The following FUT9 variants were observed in gnomAD, a reference collection of about 807,000 sequenced individuals.
FUT9 encodes 4-galactosyl-N-acetylglucosaminide 3-alpha-L-fucosyltransferase 9.
In FUT9, 15 loss-of-function variants were observed where a neutral mutation model predicts 29.7. The ratio of observed to expected loss-of-function variants is 0.51; its 90% CI spans 0.34 to 0.78. The LOEUF (loss-of-function observed/expected upper bound fraction) is 0.78. FUT9 is among the 30% of genes least tolerant of loss of function. The pLI, the probability that FUT9 is intolerant of heterozygous loss-of-function variation, is 0.01. For synonymous variants in FUT9, 169 were observed against 153.7 expected (o/e 1.10, Z -0.74); for missense variants, 319 against 425.4 (o/e 0.75, Z 2.20).
intron 2 of FUT9, among the ~76,000 whole-genome samples, chr6:96,127,365 T>C (rs1454606262): frequency 6.6e-6 from 1 of 152,240 alleles, no homozygotes; most frequent in Non-Finnish European, 1.5e-5. Context: ...GCGAAGTATG[T>C]AATCTCATTC....
intron 2 of FUT9, among the ~76,000 whole-genome samples, chr6:96,138,516 G>C (rs1562139094): frequency 6.6e-6 from 1 of 150,672 alleles, no homozygotes; most frequent in Non-Finnish European, 1.5e-5. Flanking sequence ...CAATTTTGCA[G>C]GGAAAGTGAA....
chr6:96,020,190 G>A (rs186093468), intron 1 of FUT9, among the ~76,000 whole-genome samples: 2 of 152,102 alleles, frequency 1.3e-5, no homozygotes, highest in East Asian at 3.9e-4. Context: ...TAACATTTTT[G>A]CATAATTTTT....
chr6:96,145,144 A>G (rs1406105283), intron 2 of FUT9, among the ~76,000 whole-genome samples: 1 of 152,066 alleles, frequency 6.6e-6, no homozygotes, highest in South Asian at 2.1e-4. Context: ...TGCAAGCTCC[A>G]TCTCCTGGGT....
intron 2 of FUT9, among the ~76,000 whole-genome samples, chr6:96,189,642 T>A (rs1773469502): frequency 6.6e-6 from 1 of 152,126 alleles, no homozygotes; most frequent in South Asian, 2.1e-4. Flanking sequence ...GTTGAATTGA[T>A]CCCTTTACCA....
chr6:96,037,928 G>A (rs909387874), intron 1 of FUT9, among the ~76,000 whole-genome samples: 6 of 152,074 alleles, frequency 3.9e-5, no homozygotes, highest in African/African-American at 1.2e-4. Context: ...GCTGGGCTAT[G>A]ATTCTGAAGG....
chr6:96,048,388 T>A (rs1274469326), intron 1 of FUT9, among the ~76,000 whole-genome samples: 2 of 152,108 alleles, frequency 1.3e-5, no homozygotes, highest in African/African-American at 4.8e-5. Flanking sequence ...TTGATGAAAA[T>A]GAGCAGTAAC....
intron 1 of FUT9, among the ~76,000 whole-genome samples, chr6:96,029,704 G>T (rs1229502905): frequency 6.6e-6 from 1 of 151,606 alleles, no homozygotes; most frequent in African/African-American, 2.4e-5. Flanking sequence ...ATTGTCAAAA[G>T]AAGTCAAGCA....
At chr6:96,153,055 C>T (rs1349980529) in intron 2 of FUT9, among the ~76,000 whole-genome samples, 2 of 152,300 alleles carry the variant, frequency 1.3e-5, no homozygotes, top group South Asian at 4.1e-4. Flanking sequence ...AGTAATTCTT[C>T]TCATCAGTAA....
chr6:96,162,273 A>G (rs1171988276), intron 2 of FUT9, among the ~76,000 whole-genome samples: 1 of 152,084 alleles, frequency 6.6e-6, no homozygotes, highest in East Asian at 1.9e-4. Context: ...TTGAGATGTA[A>G]TCATTGTACA....
At chr6:96,026,112 A>G (rs1231869677) in intron 1 of FUT9, among the ~76,000 whole-genome samples, 2 of 144,732 alleles carry the variant, frequency 1.4e-5, no homozygotes, top group Admixed American at 1.5e-4. Context: ...ATGTTCTTAA[A>G]ACAGTTCAAA....
chr6:96,139,524 G>A (rs1244674484), intron 2 of FUT9, among the ~76,000 whole-genome samples: 1 of 152,138 alleles, frequency 6.6e-6, no homozygotes, highest in African/African-American at 2.4e-5. Context: ...ACTCTGTGTG[G>A]GGGTTCTCAC....
At chr6:96,180,504 G>T (rs1156715684) in intron 2 of FUT9, among the ~76,000 whole-genome samples, 2 of 151,694 alleles carry the variant, frequency 1.3e-5, no homozygotes, top group Non-Finnish European at 2.9e-5. Context: ...AGGGTTTTTT[G>T]GTTTTATTAT....
rs568169583 is a variant in FUT9, at chr6:96,075,619, C to T, written c.-97-38420C>T. On this transcript the variant is annotated intron_variant, in intron 1 of 2. Transcript: ENST00000302103. ...TATTTTGAAAGGAAAATTATACGGA[C>T]TTGGATCTTCTTATAATATGAATGT... Among the ~76,000 whole-genome samples the T allele has an allele frequency of 4.3e-4, 66 of 152,172 alleles. 1 individual carries two copies. The highest frequency in any genetic ancestry group is 1.5e-3 in the African/African-American group (62 of 41,522).
At chr6:96,153,754 T>C (rs1441971620) in intron 2 of FUT9, among the ~76,000 whole-genome samples, 1 of 152,222 alleles carries the variant, frequency 6.6e-6, no homozygotes, top group Non-Finnish European at 1.5e-5. Context: ...CTCTCCAGTT[T>C]CCTTACAGTT....
intron 1 of FUT9, among the ~76,000 whole-genome samples, chr6:96,047,664 C>T (rs1476367879): frequency 2.0e-5 from 3 of 152,180 alleles, no homozygotes; most frequent in Non-Finnish European, 2.9e-5. Flanking sequence ...CCTGCCTTCC[C>T]TACTCTAGCC....
intron 2 of FUT9, among the ~76,000 whole-genome samples, chr6:96,134,680 T>TGTGCAACTGAATAGTGC (rs1772314919): frequency 1.3e-5 from 2 of 151,884 alleles, no homozygotes; most frequent in Non-Finnish European, 2.9e-5. Flanking sequence ...CATCATTAAC[T>TGTGCAACTGAATAGTGC]ACATTTTACC....
intron 2 of FUT9, among the ~76,000 whole-genome samples, chr6:96,194,010 A>T (rs545902897): frequency 2.0e-5 from 3 of 152,286 alleles, no homozygotes; most frequent in African/African-American, 7.2e-5. Flanking sequence ...CAATGAGAAC[A>T]CTTGGATACA....
intron 2 of FUT9, among the ~76,000 whole-genome samples, chr6:96,201,506 C>T (rs1388726492): frequency 6.6e-6 from 1 of 151,610 alleles, no homozygotes; most frequent in Non-Finnish European, 1.5e-5. Flanking sequence ...TACCATTTTT[C>T]TTTGTATAGC....
intron 2 of FUT9, among the ~76,000 whole-genome samples, chr6:96,174,686 G>A (rs977709084): frequency 6.6e-6 from 1 of 152,092 alleles, no homozygotes; most frequent in African/African-American, 2.4e-5. Context: ...CTTTTATTTG[G>A]AACCAGGAAA....
Sources: allele counts gnomAD v4.1 joint callset (sites outside exome capture counted in the v4.1 genomes callset), GRCh38; gene constraint gnomAD v4.1.1; transcripts MANE v1.5; gene names NCBI Gene and HGNC (gene_info 2026-07-23, HGNC 2026-07-21).